The following NIBAN1 variants were observed in gnomAD, a reference collection of about 807,000 sequenced individuals.
NIBAN1 encodes niban apoptosis regulator 1, also known as protein Niban 1.
A neutral mutation model predicts 75.1 loss-of-function variants in NIBAN1; 81 were observed. The observed-to-expected ratio is 1.08, with a 90% confidence interval of 0.90 to 1.30. The LOEUF (loss-of-function observed/expected upper bound fraction) is 1.30. Among genes scored for constraint, NIBAN1 ranks in the 50% most tolerant of loss-of-function variants. The probability of loss-of-function intolerance (pLI) is 0.00; values close to 1 mark genes in which losing one functional copy is unlikely to be tolerated. For missense variants in NIBAN1, 1,133 were observed against 1,128.1 expected, an observed-to-expected ratio of 1.00 and a Z score of -0.06; for synonymous variants, 436 against 424.8, an observed-to-expected ratio of 1.03 and a Z score of -0.32.
intron 5 of NIBAN1, among the ~76,000 whole-genome samples, chr1:184,866,188 T>C (rs1655951958): frequency 6.6e-6 from 1 of 152,148 alleles, no homozygotes; most frequent in African/African-American, 2.4e-5. Context: ...TAGTCAATGA[T>C]GACATGATGT....
At chr1:184,803,753 CA>C in intron 11 of NIBAN1, 61 bp from the exon 12 acceptor site, 1 of 1,480,168 alleles carries the variant, frequency 6.8e-7, no homozygotes, top group Non-Finnish European at 9.4e-7. Flanking sequence ...TATGTTTACT[CA>C]AAAAACTCAG....
chr1:184,917,143 T>C (rs974656021), intron 1 of NIBAN1, among the ~76,000 whole-genome samples: 1 of 152,010 alleles, frequency 6.6e-6, no homozygotes, highest in African/African-American at 2.4e-5. Flanking sequence ...AGCCCCAGCC[T>C]GGGCTGGACT....
At chr1:184,836,034 G>A (rs1655132913) in intron 5 of NIBAN1, among the ~76,000 whole-genome samples, 1 of 152,118 alleles carries the variant, frequency 6.6e-6, no homozygotes. Flanking sequence ...TTTTTAAATC[G>A]AAGTATTTTT....
At chr1:184,929,693 T>C (rs2102030151) in intron 1 of NIBAN1, among the ~76,000 whole-genome samples, 1 of 152,334 alleles carries the variant, frequency 6.6e-6, no homozygotes, top group South Asian at 2.1e-4. Flanking sequence ...GTTGTATATT[T>C]AAATTTAAAT....
intron 5 of NIBAN1, among the ~76,000 whole-genome samples, chr1:184,859,616 C>G (rs1571524727): frequency 6.6e-6 from 1 of 152,164 alleles, no homozygotes; most frequent in African/African-American, 2.4e-5. Flanking sequence ...TATCCCACTA[C>G]CTGATTTCTG....
At chr1:184,807,239 C>A (rs1654225853) in intron 10 of NIBAN1, among the ~76,000 whole-genome samples, 1 of 151,678 alleles carries the variant, frequency 6.6e-6, no homozygotes, top group Non-Finnish European at 1.5e-5. Flanking sequence ...GGTGACCGTA[C>A]CCCTTATTCA....
chr1:184,897,878 C>T (rs1160357141), intron 2 of NIBAN1, among the ~76,000 whole-genome samples: 3 of 152,300 alleles, frequency 2.0e-5, no homozygotes, highest in East Asian at 3.9e-4. Context: ...ATGACCATCA[C>T]CACCCCAGTC....
At chr1:184,942,518 C>T (rs998609893) in intron 1 of NIBAN1, among the ~76,000 whole-genome samples, 3 of 152,168 alleles carry the variant, frequency 2.0e-5, no homozygotes, top group African/African-American at 7.2e-5. Context: ...ATGGTGAAAC[C>T]CCGTCTCTAC....
intron 1 of NIBAN1, among the ~76,000 whole-genome samples, chr1:184,939,680 C>T (rs928755003): frequency 6.6e-6 from 1 of 152,172 alleles, no homozygotes; most frequent in African/African-American, 2.4e-5. Context: ...TCTAACTTTC[C>T]TGTGCTTTGC....
intron 5 of NIBAN1, among the ~76,000 whole-genome samples, chr1:184,870,663 A>G (rs1656083138): frequency 6.6e-6 from 1 of 152,188 alleles, no homozygotes; most frequent in Non-Finnish European, 1.5e-5. Context: ...TGCTCCAAAG[A>G]TGGAAGCAGC....
intron 5 of NIBAN1, among the ~76,000 whole-genome samples, chr1:184,863,608 G>A (rs1392508626): frequency 1.3e-5 from 2 of 152,166 alleles, no homozygotes; most frequent in African/African-American, 4.8e-5. Flanking sequence ...AACAAAATAT[G>A]TCTGATCCTT....
intron 4 of NIBAN1, among the ~76,000 whole-genome samples, chr1:184,888,549 TC>T (rs1656590392): frequency 6.6e-6 from 1 of 152,194 alleles, no homozygotes. Flanking sequence ...TCACAACTGA[TC>T]TACTGTAGAA....
chr1:184,810,252 A>G (rs1050731139), intron 9 of NIBAN1, among the ~76,000 whole-genome samples: 2 of 152,224 alleles, frequency 1.3e-5, no homozygotes, highest in African/African-American at 2.4e-5. Context: ...CTGCCAATTT[A>G]TATCTTTTTC....
chr1:184,902,747 C>T (rs1285763480), intron 1 of NIBAN1, among the ~76,000 whole-genome samples: 1 of 152,132 alleles, frequency 6.6e-6, no homozygotes, highest in Non-Finnish European at 1.5e-5. Flanking sequence ...CTAAATAAAA[C>T]ATCAACATTA....
At position 184,791,212 on chromosome 1, in the gene NIBAN1, A is replaced by C. The variant is rs1049994540; in HGVS notation, c.*3765T>G. ...CCTCAAACCCGTCTCTTTATGGTAA[A>C]GTGTGAAGGCACATGTTGCCAACTG... On this transcript the variant is annotated 3_prime_UTR_variant, in exon 14 of 14. Coordinates refer to ENST00000367511, the MANE Select transcript of NIBAN1 (RefSeq NM_052966.4). 2.3e-5 allele frequency: 8 copies of C among 344,640 alleles called. No homozygotes were observed. The highest frequency in any genetic ancestry group is 1.3e-4 in the African/African-American group (6 of 46,312). The allele number at this position is 344,640 out of a possible 1,614,324, so 21.3% of individuals were successfully genotyped here. A position where few individuals can be genotyped will look rare whatever the true frequency, so the allele number is the denominator to read the frequency against.
chr1:184,904,932 C>T (rs998196642), intron 1 of NIBAN1, among the ~76,000 whole-genome samples: 4 of 96,606 alleles, frequency 4.1e-5, no homozygotes, highest in African/African-American at 1.3e-4. Flanking sequence ...GGTGACAGAG[C>T]GAGATCTGTC....
chr1:184,949,890 T>C (rs1393073630), intron 1 of NIBAN1, among the ~76,000 whole-genome samples: 1 of 152,156 alleles, frequency 6.6e-6, no homozygotes, highest in Non-Finnish European at 1.5e-5. Flanking sequence ...TTGGGGTCCC[T>C]GCTCTGTCAC....
intron 1 of NIBAN1, among the ~76,000 whole-genome samples, chr1:184,938,439 CTTTT>C (rs1229507290): frequency 1.3e-5 from 2 of 151,800 alleles, no homozygotes; most frequent in Non-Finnish European, 2.9e-5. Flanking sequence ...CTCTTTTTTT[CTTTT>C]TGTTTCTTTT....
chr1:184,924,255 G>C (rs183908101), intron 1 of NIBAN1, among the ~76,000 whole-genome samples: 10 of 152,236 alleles, frequency 6.6e-5, no homozygotes, highest in South Asian at 4.1e-4. Context: ...TTGTCACAAA[G>C]GGATGTCGAA....
Sources: allele counts gnomAD v4.1 joint callset (sites outside exome capture counted in the v4.1 genomes callset), GRCh38; gene constraint gnomAD v4.1.1; transcripts MANE v1.5; gene names NCBI Gene and HGNC (gene_info 2026-07-23, HGNC 2026-07-21).